Variants in PTPRO observed in about 807,000 individuals in gnomAD.
The protein encoded by PTPRO is receptor-type tyrosine-protein phosphatase O.
In PTPRO, 62 loss-of-function variants were observed where a neutral mutation model predicts 145.2. That is an observed-to-expected ratio of 0.43 (90% confidence interval 0.35 to 0.53). The LOEUF (loss-of-function observed/expected upper bound fraction) is 0.53. Ranked by LOEUF, PTPRO falls within the 20% of genes least tolerant of loss-of-function variation. PTPRO has a pLI of 0.01. For synonymous variants in PTPRO, 565 were observed against 514.7 expected, an observed-to-expected ratio of 1.10 and a Z score of -1.32; for missense variants, 1,345 against 1,482.7, an observed-to-expected ratio of 0.91 and a Z score of 1.53.
In PTPRO at chr12:15,598,223, A is replaced by G. The variant is rs1944696279; in HGVS notation, c.*2150A>G. 6.6e-6 allele frequency among the ~76,000 whole-genome samples: 1 copy of G among 152,182 alleles called. No individual in the cohort carries two copies. The highest frequency in any genetic ancestry group is 2.1e-4 in the South Asian group (1 of 4,820). ...AACACTGTTGCTCTTCAGTTTGTAG[A>G]GTTTATGATGGAAAAGGCATCAGTC... On this transcript the variant is annotated 3_prime_UTR_variant, in exon 27 of 27. Transcript: ENST00000281171.
intron 7 of PTPRO, among the ~76,000 whole-genome samples, chr12:15,513,167 AAGAAAG>A (rs1942493500): frequency 1.1e-5 from 1 of 89,316 alleles, no homozygotes; most frequent in South Asian, 4.1e-4. Context: ...AAAAGAAAGA[AAGAAAG>A]AAAGAAAGAA....
intron 12 of PTPRO, among the ~76,000 whole-genome samples, chr12:15,526,665 A>T (rs1942846057): frequency 6.6e-6 from 1 of 152,136 alleles, no homozygotes; most frequent in Non-Finnish European, 1.5e-5. Flanking sequence ...TTGATTTTTT[A>T]AATTTTATAT....
In PTPRO at chr12:15,468,424, T is replaced by G. The variant is rs536779779; in HGVS notation, c.76-15550T>G. Among the ~76,000 whole-genome samples, 6 of 152,316 alleles carry G rather than the reference T, an allele frequency of 3.9e-5. No individual in the cohort carries two copies. In the East Asian group the frequency reaches 1.2e-3, roughly 29 times the overall value. On this transcript the variant is annotated intron_variant, in intron 1 of 26. Coordinates refer to ENST00000281171, the MANE Select transcript of PTPRO (RefSeq NM_030667.3). The stretch of plus-strand genomic sequence containing the variant: ...GCCACCTCTACTGGCCATTCAAATG[T>G]TATTTTGGTTTCTCATCCACATTGT...
At chr12:15,445,498 T>C (rs1940878779) in intron 1 of PTPRO, among the ~76,000 whole-genome samples, 1 of 151,956 alleles carries the variant, frequency 6.6e-6, no homozygotes, top group Non-Finnish European at 1.5e-5. Flanking sequence ...AGGAGTGAAG[T>C]TCTTTGGTTC....
intron 3 of PTPRO, 97 bp downstream of exon 3, chr12:15,497,500 A>G (rs1942132092): frequency 7.6e-7 from 1 of 1,321,480 alleles, no homozygotes; most frequent in Admixed American, 1.7e-5. Flanking sequence ...AGGTTTTATA[A>G]TTCACTATTT....
At position 15,372,606 on chromosome 12, in the gene PTPRO, T is replaced by C. The variant is rs549665383; in HGVS notation, c.75+49805T>C. Among the ~76,000 whole-genome samples the C allele has an allele frequency of 1.6e-3, 239 of 152,190 alleles. 1 individual carries two copies. Among genetic ancestry groups the C allele is most frequent in the Non-Finnish European group, 2.7e-3 (183 of 68,008 alleles). ...TGGGAGGACAGTGTAATTACACAGA[T>C]TGGAATGCAGCCAAAACAGTAAAGT... On this transcript the variant is annotated intron_variant, in intron 1 of 26. Transcript: ENST00000281171.
chr12:15,450,031 T>C (rs982605779), intron 1 of PTPRO, among the ~76,000 whole-genome samples: 1 of 152,238 alleles, frequency 6.6e-6, no homozygotes, highest in African/African-American at 2.4e-5. Context: ...AAATACAATA[T>C]TGCTTTTTCA....
chr12:15,380,883 A>G (rs888279795), intron 1 of PTPRO, among the ~76,000 whole-genome samples: 1 of 152,176 alleles, frequency 6.6e-6, no homozygotes, highest in Non-Finnish European at 1.5e-5. Flanking sequence ...ACATTCAATA[A>G]TATTTGATAG....
At chr12:15,509,466 G>A (rs926666775) in intron 7 of PTPRO, among the ~76,000 whole-genome samples, 1 of 151,854 alleles carries the variant, frequency 6.6e-6, no homozygotes, top group African/African-American at 2.4e-5. Context: ...GAAGGCCGAG[G>A]CGGGTGGATC....
At chr12:15,389,949 G>A (rs1939143455) in intron 1 of PTPRO, among the ~76,000 whole-genome samples, 1 of 152,150 alleles carries the variant, frequency 6.6e-6, no homozygotes, top group Non-Finnish European at 1.5e-5. Context: ...CAGAACAAGA[G>A]ACCAAGTCTT....
At chr12:15,440,022 G>A in intron 1 of PTPRO, 2 of 668,942 alleles carry the variant, frequency 3.0e-6, no homozygotes, top group Non-Finnish European at 5.4e-6. Context: ...CCTGTGTGCA[G>A]AGGCTACAGG....
intron 11 of PTPRO, among the ~76,000 whole-genome samples, 176 bp downstream of exon 11, chr12:15,525,141 C>T (rs539698472): frequency 5.9e-5 from 9 of 152,212 alleles, no homozygotes; most frequent in South Asian, 2.1e-4. Flanking sequence ...TAGAGCTTAC[C>T]GTTTAATCTT....
At chr12:15,469,768 C>CAAAAAAA (rs3085503) in intron 1 of PTPRO, among the ~76,000 whole-genome samples, 22 of 110,266 alleles carry the variant, frequency 2.0e-4, no homozygotes, top group East Asian at 7.2e-4. Context: ...AGTGTCCTGA[C>CAAAAAAA]AAAAAAAAAA....
chr12:15,546,525 C>A (rs1165117488), intron 12 of PTPRO, 44 bp from the exon 13 acceptor site: 2 of 1,548,786 alleles, frequency 1.3e-6, no homozygotes, highest in Non-Finnish European at 1.7e-6. Flanking sequence ...AGAAAGAATA[C>A]ACTTAGTAAA....
intron 1 of PTPRO, among the ~76,000 whole-genome samples, chr12:15,470,231 G>A (rs186805679): frequency 6.6e-6 from 1 of 152,282 alleles, no homozygotes; most frequent in East Asian, 1.9e-4. Flanking sequence ...ACAGTCTGGG[G>A]ACTGTAGTAC....
intron 12 of PTPRO, among the ~76,000 whole-genome samples, chr12:15,536,387 GAGATT>G (rs1234038391): frequency 6.6e-6 from 1 of 152,216 alleles, no homozygotes; most frequent in East Asian, 1.9e-4. Flanking sequence ...TCACTGGGAT[GAGATT>G]CTGTAGGCAG....
chr12:15,556,198 A>C (rs1943619859), intron 15 of PTPRO, among the ~76,000 whole-genome samples: 1 of 152,230 alleles, frequency 6.6e-6, no homozygotes, highest in South Asian at 2.1e-4. Context: ...TCCCATATAT[A>C]GGAAATTGAC....
At chr12:15,383,522 T>C (rs1284949786) in intron 1 of PTPRO, among the ~76,000 whole-genome samples, 1 of 152,226 alleles carries the variant, frequency 6.6e-6, no homozygotes, top group Admixed American at 6.5e-5. Flanking sequence ...AGGTTGATTC[T>C]AAGCCAAATA....
At chr12:15,537,271 G>A (rs1455787325) in intron 12 of PTPRO, among the ~76,000 whole-genome samples, 2 of 152,102 alleles carry the variant, frequency 1.3e-5, no homozygotes, top group Non-Finnish European at 2.9e-5. Context: ...GTAGGCAGGC[G>A]ACAGATGTGA....
Sources: gnomAD v4.1 joint callset for allele counts (sites outside exome capture counted in the v4.1 genomes callset) on GRCh38, gnomAD v4.1.1 for gene constraint, MANE v1.5 for transcripts, NCBI Gene and HGNC (gene_info 2026-07-23, HGNC 2026-07-21) for gene names.